NUMB: variants seen among roughly 807,000 people sequenced by gnomAD.
NUMB encodes protein numb homolog.
NUMB carries 29 observed loss-of-function variants against 59.7 expected under a neutral mutation model. That is an observed-to-expected ratio of 0.49 (90% CI 0.36 to 0.66). The LOEUF is 0.66. Among genes scored for constraint, NUMB ranks in the 30% least tolerant of loss-of-function variants. NUMB has a pLI of 0.00. For synonymous variants in NUMB, 288 were observed against 288.2 expected (o/e 1.00, Z 0.01); for missense variants, 723 against 822.0 (o/e 0.88, Z 1.47).
At chr14:73,296,792 G>T (rs1374328673) in intron 7 of NUMB, among the ~76,000 whole-genome samples, 1 of 152,160 alleles carries the variant, frequency 6.6e-6, no homozygotes, top group South Asian at 2.1e-4. Flanking sequence ...TTAGGAGGCT[G>T]CCGGTGGATC....
At chr14:73,417,697 A>G (rs1158630138) in intron 1 of NUMB, among the ~76,000 whole-genome samples, 1 of 152,226 alleles carries the variant, frequency 6.6e-6, no homozygotes, top group African/African-American at 2.4e-5. Context: ...ACCCAAAATA[A>G]CTGAAAGTAG....
chr14:73,396,146 G>A (rs1472072992), intron 2 of NUMB, among the ~76,000 whole-genome samples: 1 of 151,892 alleles, frequency 6.6e-6, no homozygotes, highest in Non-Finnish European at 1.5e-5. Flanking sequence ...GCAGTGGCAC[G>A]ACCATAGCTC....
chr14:73,289,656 T>C (rs964530293), intron 8 of NUMB, among the ~76,000 whole-genome samples: 1 of 152,258 alleles, frequency 6.6e-6, no homozygotes, highest in African/African-American at 2.4e-5. Flanking sequence ...TTGACTACTT[T>C]TTAAAAATTT....
In NUMB at chr14:73,356,876, T is replaced by C. The variant is rs972420736; in HGVS notation, c.-15-1110A>G. On this transcript the variant is annotated intron_variant, in intron 3 of 12. Coordinates refer to ENST00000555238, the MANE Select transcript of NUMB (RefSeq NM_001005743.2). ...CACCTGGCTTTTTTCTTTTTTCTTT[T>C]AAGTAGAGACAAGGTCTCACTATGT... 22 of 172,210 alleles carry C rather than the reference T, an allele frequency of 1.3e-4. 1 individual carries two copies. The highest frequency in any genetic ancestry group is 2.1e-4 in the Non-Finnish European group (18 of 86,340). 10.7% of individuals were successfully genotyped at this position (172,210 alleles called of 1,614,324 possible).
rs1566756859 is a variant in NUMB at position 73,353,069 on chromosome 14, C to CTTTTTTTTTTTT, written c.126+2556_126+2557insAAAAAAAAAAAA. ...CAACTTAATGGATGCCACAGTTTTT[C>CTTTTTTTTTTTT]TTGTTTTTTTTTTTTTTTTTTTTTT... On this transcript the variant is annotated intron_variant, in intron 4 of 12. Transcript: ENST00000555238. Among the ~76,000 whole-genome samples, 11 of 18,078 alleles carry CTTTTTTTTTTTT rather than the reference C, an allele frequency of 6.1e-4. 1 individual carries two copies. The highest frequency in any genetic ancestry group is 9.2e-4 in the Non-Finnish European group (9 of 9,832). 11.9% of individuals were successfully genotyped at this position (18,078 alleles called of 152,430 possible). A position where few individuals can be genotyped will look rare whatever the true frequency, so the allele number is the denominator to read the frequency against.
At chr14:73,335,526 T>C (rs1218690409) in intron 4 of NUMB, among the ~76,000 whole-genome samples, 1 of 152,174 alleles carries the variant, frequency 6.6e-6, no homozygotes, top group African/African-American at 2.4e-5. Flanking sequence ...GGCTAAAATA[T>C]TTGACACTGG....
chr14:73,442,393 A>C (rs888286266), intron 1 of NUMB, among the ~76,000 whole-genome samples: 1 of 151,750 alleles, frequency 6.6e-6, no homozygotes. Flanking sequence ...ATAATAATAA[A>C]TTGTTTAAAT....
intron 4 of NUMB, among the ~76,000 whole-genome samples, chr14:73,342,324 A>G (rs771091262): frequency 7.9e-5 from 12 of 152,238 alleles, no homozygotes; most frequent in Middle Eastern, 3.2e-3. Context: ...GATTTATTTC[A>G]TTGGTACTAC....
intron 6 of NUMB, among the ~76,000 whole-genome samples, chr14:73,307,460 T>C (rs976421227): frequency 1.2e-4 from 18 of 151,928 alleles, no homozygotes; most frequent in Non-Finnish European, 2.2e-4. Flanking sequence ...CACACATATA[T>C]CTGGATGATG....
intron 6 of NUMB, among the ~76,000 whole-genome samples, chr14:73,310,855 G>A (rs1234714487): frequency 1.3e-5 from 2 of 152,150 alleles, no homozygotes; most frequent in Admixed American, 6.5e-5. Flanking sequence ...CATAAAATGG[G>A]AATACAGATT....
At chr14:73,307,750 T>TTTTTA (rs1890540049) in intron 6 of NUMB, among the ~76,000 whole-genome samples, 1 of 125,558 alleles carries the variant, frequency 8.0e-6, no homozygotes, top group Admixed American at 8.6e-5. Flanking sequence ...TTTTTTTTTT[T>TTTTTA]GAGACGGAGT....
rs1174960370 is a variant in NUMB, at chr14:73,385,308, C to CTTT, written c.-100-18330_-100-18328dup. 5.8e-4 allele frequency among the ~76,000 whole-genome samples: 65 copies of CTTT among 112,288 alleles called. 1 individual carries two copies. The highest frequency in any genetic ancestry group is 9.1e-4 in the Non-Finnish European group (50 of 54,922). The allele number at this position is 112,288 out of a possible 152,430, so 73.7% of individuals were successfully genotyped here. A position where few individuals can be genotyped will look rare whatever the true frequency, so the allele number is the denominator to read the frequency against. On this transcript the variant is annotated intron_variant, in intron 2 of 12. Transcript: ENST00000555238. ...AGCTATAGGTGCATACCAGTTAATT[C>CTTT]TTTTTTTTTTTTTTTTTTTGGTAGA...
chr14:73,424,747 C>G (rs549953269), intron 1 of NUMB, among the ~76,000 whole-genome samples: 11 of 152,270 alleles, frequency 7.2e-5, no homozygotes, highest in African/African-American at 2.6e-4. Flanking sequence ...GAATAGCAGA[C>G]AATGGTCTAC....
At chr14:73,389,060 C>G (rs1253457716) in intron 2 of NUMB, among the ~76,000 whole-genome samples, 1 of 145,682 alleles carries the variant, frequency 6.9e-6, no homozygotes, top group African/African-American at 2.5e-5. Flanking sequence ...GATGGCGCCA[C>G]TGCACTCCAG....
At chr14:73,344,525 C>T (rs146123389) in intron 4 of NUMB, among the ~76,000 whole-genome samples, 10 of 152,322 alleles carry the variant, frequency 6.6e-5, no homozygotes, top group Non-Finnish European at 1.2e-4. Flanking sequence ...TTGGTTTAAG[C>T]GGTAAACACA....
In NUMB at chr14:73,277,121, TGGA is replaced by T. The variant is rs751293517; in HGVS notation, c.1410_1412del (p.Pro472del). ...ATGCTGGCTGGGAGATGGCAGTGGG[TGGA>T]GGAGGCTGGAGAACTGGCTGCAGAG... On this transcript the variant is annotated inframe_deletion, in exon 13 of 13. Coordinates refer to ENST00000555238, the MANE Select transcript of NUMB (RefSeq NM_001005743.2). The T allele has an allele frequency of 1.5e-5, 24 of 1,613,752 alleles. No individual in the cohort carries two copies. The highest frequency in any genetic ancestry group is 3.3e-5 in the Admixed American group (2 of 60,010).
intron 6 of NUMB, among the ~76,000 whole-genome samples, chr14:73,299,854 A>C (rs540063719): frequency 1.6e-4 from 25 of 152,312 alleles, no homozygotes; most frequent in African/African-American, 5.5e-4. Context: ...GTTATACTTG[A>C]AATAGAATGG....
intron 3 of NUMB, among the ~76,000 whole-genome samples, chr14:73,359,358 T>A (rs968901714): frequency 6.6e-6 from 1 of 152,088 alleles, no homozygotes; most frequent in Non-Finnish European, 1.5e-5. Context: ...GTAATAATAA[T>A]AACAATAAAG....
chr14:73,456,399 C>T (rs1454938371), intron 1 of NUMB, among the ~76,000 whole-genome samples: 1 of 152,034 alleles, frequency 6.6e-6, no homozygotes, highest in Non-Finnish European at 1.5e-5. Flanking sequence ...CGTGAGCCAC[C>T]GCACCCAGCT....
Sources: gnomAD v4.1 joint callset for allele counts (sites outside exome capture counted in the v4.1 genomes callset) on GRCh38, gnomAD v4.1.1 for gene constraint, MANE v1.5 for transcripts, NCBI Gene and HGNC (gene_info 2026-07-23, HGNC 2026-07-21) for gene names.